Variants in RGPD4 observed in about 807,000 individuals in gnomAD.
RGPD4 encodes ranBP2-like and GRIP domain-containing protein 4.
In RGPD4, 84 loss-of-function variants were observed where a neutral mutation model predicts 141.1. That is an observed-to-expected ratio of 0.60 (90% confidence interval 0.50 to 0.71). The LOEUF (loss-of-function observed/expected upper bound fraction) is 0.71. Among genes scored for constraint, RGPD4 ranks in the 30% least tolerant of loss-of-function variants. RGPD4 has a pLI of 0.00. For missense variants in RGPD4, 918 were observed against 1,622.4 expected (o/e 0.57, Z 7.46); for synonymous variants, 298 against 566.8 (o/e 0.53, Z 6.74).
intron 22 of RGPD4, chr2:107,883,140 G>C (rs1286418719): frequency 2.3e-5 from 15 of 654,374 alleles, no homozygotes; most frequent in South Asian, 2.2e-4. Context: ...TTTTTATCCT[G>C]GTGTTGCGTT....
chr2:107,874,865 T>G (rs1213207803), intron 20 of RGPD4, among the ~76,000 whole-genome samples: 1 of 151,582 alleles, frequency 6.6e-6, no homozygotes, highest in African/African-American at 2.4e-5. Flanking sequence ...TACGGTGTAC[T>G]GTTATTTCTC....
At chr2:107,829,552 G>C (rs1436890701) in intron 1 of RGPD4, among the ~76,000 whole-genome samples, 8 of 145,208 alleles carry the variant, frequency 5.5e-5, no homozygotes, top group African/African-American at 1.9e-4. Flanking sequence ...GACCTGGCCC[G>C]GCGGCGGCCT....
chr2:107,833,236 T>TA (rs1255725750), intron 1 of RGPD4, among the ~76,000 whole-genome samples: 127 of 144,360 alleles, frequency 8.8e-4, no homozygotes, highest in African/African-American at 1.4e-3. Flanking sequence ...CCGTTTGAAT[T>TA]AAAAAAAAAA....
intron 6 of RGPD4, among the ~76,000 whole-genome samples, chr2:107,846,592 A>G (rs1681955510): frequency 1.3e-5 from 2 of 148,536 alleles, no homozygotes; most frequent in South Asian, 2.2e-4. Flanking sequence ...TCAGCCTCCC[A>G]AGTAGCTGGA....
chr2:107,856,140 G>A (rs1322162690), intron 8 of RGPD4, among the ~76,000 whole-genome samples: 16 of 116,370 alleles, frequency 1.4e-4, no homozygotes, highest in African/African-American at 2.3e-4. Context: ...TGCAAGCTCC[G>A]CCTCCCGGGT....
intron 22 of RGPD4, among the ~76,000 whole-genome samples, chr2:107,886,819 C>T (rs955149374): frequency 2.2e-4 from 33 of 152,160 alleles, no homozygotes; most frequent in Non-Finnish European, 3.8e-4. Flanking sequence ...CTCTCATCTC[C>T]TTGGAAGCAA....
At chr2:107,890,548 C>CAAAA (rs1210623696) in intron 22 of RGPD4, among the ~76,000 whole-genome samples, 173 bp from the exon 23 acceptor site, 15 of 16,286 alleles carry the variant, frequency 9.2e-4, no homozygotes, top group East Asian at 3.2e-3. Context: ...GACCCTGTCT[C>CAAAA]AAAAAAAAAA....
chr2:107,884,225 C>T (rs1238414039), intron 22 of RGPD4, among the ~76,000 whole-genome samples: 1 of 152,104 alleles, frequency 6.6e-6, no homozygotes, highest in Non-Finnish European at 1.5e-5. Context: ...ATTCTCCTGC[C>T]TCGGCCTCCC....
At chr2:107,874,253 T>C (rs1467332923) in intron 20 of RGPD4, among the ~76,000 whole-genome samples, 1 of 151,404 alleles carries the variant, frequency 6.6e-6, no homozygotes, top group East Asian at 1.9e-4. Context: ...GCTGTTCTTT[T>C]GTGCATGGTT....
intron 7 of RGPD4, among the ~76,000 whole-genome samples, chr2:107,849,520 C>T (rs1682062912): frequency 3.1e-5 from 1 of 31,792 alleles, no homozygotes; most frequent in East Asian, 6.5e-4. Flanking sequence ...GCACCCGCCA[C>T]CACACCTGGC....
intron 22 of RGPD4, among the ~76,000 whole-genome samples, chr2:107,887,189 ACTT>A (rs1212080333): frequency 1.3e-5 from 2 of 152,076 alleles, no homozygotes; most frequent in African/African-American, 4.8e-5. Flanking sequence ...CTGCAGTCGA[ACTT>A]CTGGTCGAAA....
chr2:107,883,502 C>T (rs368486524), intron 22 of RGPD4, among the ~76,000 whole-genome samples: 23 of 144,340 alleles, frequency 1.6e-4, no homozygotes, highest in South Asian at 4.5e-4. Flanking sequence ...TGGTGGCATG[C>T]GCCTGTAGTC....
intron 7 of RGPD4, among the ~76,000 whole-genome samples, chr2:107,854,235 T>TA (rs1302935684): frequency 6.8e-6 from 1 of 146,608 alleles, no homozygotes; most frequent in East Asian, 2.0e-4. Context: ...GTTTTTTTTT[T>TA]TTATTTTTAG....
At position 107,890,721 on chromosome 2, in the gene RGPD4, G is replaced by A. The variant is rs745953467; in HGVS notation, c.5267G>A (p.Gly1756Asp). ...TTTTTTTTTGTTTTACTTTCCAAAG[G>A]TGAGGAATAAAATGCTTCCCGTTCT... ...EKGKLAAVAQ[G>D]EE Residue 1756 changes from glycine to aspartate, a missense_variant and splice_region_variant, in exon 23 of 23, where the codon GGT (glycine) becomes GAT (aspartate). Gly to Asp is a moderately conservative substitution (Grantham distance 94). Transcript: ENST00000408999. The A allele has an allele frequency of 3.1e-6, 5 of 1,598,644 alleles. No individual in the cohort carries two copies. Among genetic ancestry groups the A allele is most frequent in the South Asian group, 2.3e-5 (2 of 87,410 alleles).
At chr2:107,832,168 G>C (rs940600800) in intron 1 of RGPD4, among the ~76,000 whole-genome samples, 7 of 151,634 alleles carry the variant, frequency 4.6e-5, no homozygotes, top group Non-Finnish European at 1.0e-4. Flanking sequence ...CACATAATCC[G>C]TTCAATTTCA....
chr2:107,890,562 A>G (rs1217748810), intron 22 of RGPD4, among the ~76,000 whole-genome samples, 159 bp from the exon 23 acceptor site: 3 of 60,650 alleles, frequency 4.9e-5, no homozygotes, highest in Admixed American at 1.4e-4. Flanking sequence ...AAAAAAAAAA[A>G]AAAAAAAAAA....
intron 6 of RGPD4, among the ~76,000 whole-genome samples, chr2:107,844,104 A>C (rs2104419429): frequency 6.7e-6 from 1 of 149,620 alleles, no homozygotes; most frequent in East Asian, 1.9e-4. Flanking sequence ...TCAGATGGCT[A>C]GGTTCACATG....
At chr2:107,877,133 G>A (rs1161538305) in intron 20 of RGPD4, among the ~76,000 whole-genome samples, 1 of 151,668 alleles carries the variant, frequency 6.6e-6, no homozygotes, top group Non-Finnish European at 1.5e-5. Context: ...CAGCACTTTG[G>A]GAGGCCAAGG....
chr2:107,871,876 G>A lies in RGPD4; in HGVS notation c.3872G>A (p.Gly1291Glu), dbSNP rs775307403. The A allele has an allele frequency of 1.9e-6, 3 of 1,611,506 alleles. No individual in the cohort carries two copies. The highest frequency in any genetic ancestry group is 8.5e-7 in the Non-Finnish European group (1 of 1,179,874). The part of the protein sequence containing the change: ...NLFHFGESTT[G>E]SNFSFKSALS... ...TTCCATTTTGGTGAGTCAACAACAG[G>A]ATCTAACTTCAGTTTTAAATCTGCT... Residue 1291 changes from glycine to glutamate, a missense_variant, in exon 20 of 23, where the codon GGA becomes GAA. Transcript: ENST00000408999.
Sources: allele counts gnomAD v4.1 joint callset (sites outside exome capture counted in the v4.1 genomes callset), GRCh38; gene constraint gnomAD v4.1.1; transcripts MANE v1.5; gene names NCBI Gene and HGNC (gene_info 2026-07-23, HGNC 2026-07-21).